Variants in CHCHD6 observed in about 807,000 individuals in gnomAD.
The protein encoded by CHCHD6 is MICOS complex subunit MIC25.
In CHCHD6, 28 loss-of-function variants were observed where a neutral mutation model predicts 32.3. The observed-to-expected ratio is 0.87, with a 90% CI of 0.64 to 1.19. The LOEUF (loss-of-function observed/expected upper bound fraction) is 1.19. Ranked by LOEUF, CHCHD6 falls within the 50% of genes most tolerant of loss-of-function variation. The pLI, the probability that CHCHD6 is intolerant of heterozygous loss-of-function variation, is 0.00. For synonymous variants in CHCHD6, 122 were observed against 117.5 expected (o/e 1.04, Z -0.25); for missense variants, 333 against 307.0 (o/e 1.08, Z -0.63).
chr3:126,925,081 T>C (rs1401335583), intron 6 of CHCHD6, among the ~76,000 whole-genome samples: 1 of 152,208 alleles, frequency 6.6e-6, no homozygotes. Flanking sequence ...CCATCAGGAA[T>C]GATGTTGAAC....
intron 6 of CHCHD6, among the ~76,000 whole-genome samples, chr3:126,919,505 G>T (rs2078216146): frequency 6.6e-6 from 1 of 151,492 alleles, no homozygotes; most frequent in Admixed American, 6.6e-5. Context: ...AGTAGAGAAA[G>T]GGTTTCACTA....
intron 6 of CHCHD6, among the ~76,000 whole-genome samples, chr3:126,951,416 A>C (rs1456170971): frequency 3.9e-5 from 6 of 152,210 alleles, no homozygotes; most frequent in Non-Finnish European, 8.8e-5. Flanking sequence ...CTTTCCATGG[A>C]TGGAAGGAAA....
chr3:126,825,036 T>C (rs925794412), intron 4 of CHCHD6, among the ~76,000 whole-genome samples: 8 of 152,204 alleles, frequency 5.3e-5, no homozygotes, highest in Non-Finnish European at 1.2e-4. Flanking sequence ...CATTCTTCTC[T>C]AGTATAGTCT....
At chr3:126,950,524 T>C (rs1038831278) in intron 6 of CHCHD6, among the ~76,000 whole-genome samples, 22 of 152,324 alleles carry the variant, frequency 1.4e-4, no homozygotes, top group African/African-American at 5.1e-4. Context: ...CGCTCTCTGC[T>C]CACTGCACAC....
chr3:126,834,473 C>CT (rs1940773934), intron 4 of CHCHD6, among the ~76,000 whole-genome samples: 1 of 151,958 alleles, frequency 6.6e-6, no homozygotes, highest in East Asian at 1.9e-4. Flanking sequence ...TGGGGGTCGC[C>CT]TGTGGGTGTG....
chr3:126,807,137 A>G (rs1207634998), intron 4 of CHCHD6, among the ~76,000 whole-genome samples: 1 of 151,598 alleles, frequency 6.6e-6, no homozygotes, highest in African/African-American at 2.4e-5. Flanking sequence ...AGCATGGCAC[A>G]TGTATACATA....
chr3:126,726,334 C>T (rs1267467545), intron 1 of CHCHD6, among the ~76,000 whole-genome samples: 4 of 152,050 alleles, frequency 2.6e-5, no homozygotes, highest in Non-Finnish European at 4.4e-5. Context: ...TTAAGTTCGC[C>T]GTCTTACATG....
intron 4 of CHCHD6, among the ~76,000 whole-genome samples, chr3:126,771,166 T>C (rs954894061): frequency 2.0e-4 from 30 of 152,124 alleles, no homozygotes; most frequent in African/African-American, 7.2e-4. Context: ...GTGGGGTCAG[T>C]GGTAATGTAC....
intron 5 of CHCHD6, among the ~76,000 whole-genome samples, chr3:126,877,222 G>C (rs989122742): frequency 5.3e-5 from 8 of 152,176 alleles, no homozygotes; most frequent in Admixed American, 3.3e-4. Flanking sequence ...TTTATATATA[G>C]TTTGGCTTTT....
At chr3:126,845,076 T>C (rs1941248671) in intron 4 of CHCHD6, among the ~76,000 whole-genome samples, 1 of 152,240 alleles carries the variant, frequency 6.6e-6, no homozygotes, top group Non-Finnish European at 1.5e-5. Flanking sequence ...AAGACGTTTA[T>C]ATTGCTTTAA....
At chr3:126,714,148 A>T (rs1376953949) in intron 1 of CHCHD6, among the ~76,000 whole-genome samples, 1 of 149,600 alleles carries the variant, frequency 6.7e-6, no homozygotes, top group Non-Finnish European at 1.5e-5. Flanking sequence ...TTTTTGGGGG[A>T]ACAAATGGAA....
At chr3:126,875,734 G>A (rs569722838) in intron 5 of CHCHD6, among the ~76,000 whole-genome samples, 31 of 152,308 alleles carry the variant, frequency 2.0e-4, no homozygotes, top group African/African-American at 6.7e-4. Flanking sequence ...AGGTATTTTC[G>A]CAGTTTATGC....
intron 5 of CHCHD6, among the ~76,000 whole-genome samples, chr3:126,853,254 T>TAA (rs60860773): frequency 0.098 from 13,000 of 132,798 alleles, 759 homozygotes; most frequent in Middle Eastern, 0.22. Flanking sequence ...ATCATGCCTT[T>TAA]AAAAAAAAAA....
At chr3:126,784,920 A>G (rs1938125570) in intron 4 of CHCHD6, among the ~76,000 whole-genome samples, 1 of 151,036 alleles carries the variant, frequency 6.6e-6, no homozygotes, top group South Asian at 2.1e-4. Flanking sequence ...TAGCTTATAT[A>G]TTTTCCCAGA....
intron 4 of CHCHD6, among the ~76,000 whole-genome samples, chr3:126,778,846 C>T (rs953826166): frequency 2.5e-4 from 38 of 152,086 alleles, no homozygotes; most frequent in African/African-American, 8.7e-4. Context: ...CCTTGAACTC[C>T]TGGGCTCAAC....
intron 4 of CHCHD6, among the ~76,000 whole-genome samples, chr3:126,771,820 A>T (rs1937548062): frequency 1.3e-5 from 2 of 152,202 alleles, no homozygotes; most frequent in Admixed American, 1.3e-4. Context: ...GTCCTGAGAG[A>T]TTCTGGTATG....
chr3:126,753,282 A>G (rs1936807271), intron 4 of CHCHD6, among the ~76,000 whole-genome samples: 1 of 152,072 alleles, frequency 6.6e-6, no homozygotes, highest in African/African-American at 2.4e-5. Flanking sequence ...AAGGAACCTC[A>G]AGTTGGCATC....
intron 6 of CHCHD6, among the ~76,000 whole-genome samples, chr3:126,947,020 A>G (rs73209651): frequency 0.025 from 3,843 of 152,388 alleles, 60 homozygotes; most frequent in Middle Eastern, 0.061. Flanking sequence ...ATTTGGGGCC[A>G]CACGTGTGAG....
chr3:126,899,400 C>T (rs75813511), intron 5 of CHCHD6, among the ~76,000 whole-genome samples: 4,615 of 152,252 alleles, frequency 0.03, 98 homozygotes, highest in Non-Finnish European at 0.039. Context: ...AAGACATTTG[C>T]GATATTAGGC....
Sources: gnomAD v4.1 joint callset for allele counts (sites outside exome capture counted in the v4.1 genomes callset) on GRCh38, gnomAD v4.1.1 for gene constraint, MANE v1.5 for transcripts, NCBI Gene and HGNC (gene_info 2026-07-23, HGNC 2026-07-21) for gene names.